MMP25: variants seen among roughly 807,000 people sequenced by gnomAD.
MMP25 encodes matrix metalloproteinase-25.
MMP25 carries 68 observed loss-of-function variants against 62.1 expected under a neutral mutation model. The observed-to-expected ratio is 1.10, with a 90% CI of 0.90 to 1.34. The LOEUF (loss-of-function observed/expected upper bound fraction) is 1.34, where lower values mean the gene tolerates loss of function less well. Among genes scored for constraint, MMP25 ranks in the 40% most tolerant of loss-of-function variants. The pLI, the probability that MMP25 is intolerant of heterozygous loss-of-function variation, is 0.00. For synonymous variants in MMP25, 407 were observed against 345.6 expected, an observed-to-expected ratio of 1.18 and a Z score of -1.97; for missense variants, 942 against 792.5, an observed-to-expected ratio of 1.19 and a Z score of -2.26.
rs751404754 is a variant in MMP25, at chr16:3,050,252, AG to A, written c.370del. ...CCTTACACCTCACTCCCCTCTCCCC[AG>A]GGTACGTTCCTTCCCCCAGAGCTCC... On this transcript the variant is annotated splice_acceptor_variant, in intron 3 of 9. Transcript: ENST00000336577. LOFTEE classifies it high-confidence loss of function. The A allele has an allele frequency of 9.4e-6, 15 of 1,588,862 alleles. No homozygotes were observed. The East Asian group carries it at 2.9e-4, about 31-fold the overall frequency.
In MMP25 at chr16:3,047,548, G is replaced by A; in HGVS notation, c.232+1G>A. On this transcript the variant is annotated splice_donor_variant, in intron 2 of 9. Coordinates refer to ENST00000336577, the MANE Select transcript of MMP25 (RefSeq NM_022468.5). LOFTEE classifies it high-confidence loss of function. Reference sequence around the variant, plus strand: ...GGGCTGCCGGAGACCGGCCGCATGGGTAGGTGGCCCCCACCCCTCCCCAGC... The same window carrying A: ...GGGCTGCCGGAGACCGGCCGCATGGATAGGTGGCCCCCACCCCTCCCCAGC... 2 of 1,612,450 alleles carry A rather than the reference G, an allele frequency of 1.2e-6. No homozygotes were observed. Among genetic ancestry groups the A allele is most frequent in the South Asian group, 2.2e-5 (2 of 91,002 alleles).
chr16:3,050,614 G>GTGTTT, intron 4 of MMP25, 68 bp downstream of exon 4: 1 of 1,444,926 alleles, frequency 6.9e-7, no homozygotes, highest in Non-Finnish European at 9.2e-7. Flanking sequence ...TTTCTGTTGT[G>GTGTTT]TGTTTTGTTT....
Position 3,059,033 on chromosome 16 carries a change from C to A in MMP25, c.1624C>A (p.Arg542Ser). ...CQCELNQAAG[R>S]WPAPIPLLLL... ...GTGCGAGCTCAACCAGGCCGCAGGA[C>A]GTTGGCCTGCTCCCATCCCGCTGCT... The change falls in exon 10 of 10, where the codon CGT (arginine) becomes AGT (serine). Residue 542 changes from arginine (R) to serine (S), a missense_variant. Transcript: ENST00000336577. 6.4e-7 allele frequency: 1 copy of A among 1,553,712 alleles called. No homozygotes were observed. The highest frequency in any genetic ancestry group is 8.7e-7 in the Non-Finnish European group (1 of 1,148,374).
intron 2 of MMP25, among the ~76,000 whole-genome samples, chr16:3,049,404 G>A (rs1955866367): frequency 6.6e-6 from 1 of 152,166 alleles, no homozygotes; most frequent in Non-Finnish European, 1.5e-5. Flanking sequence ...ACAGTGTCTG[G>A]CATCTATATG....
chr16:3,049,721 G>A (rs1161891310), intron 2 of MMP25, among the ~76,000 whole-genome samples: 1 of 152,208 alleles, frequency 6.6e-6, no homozygotes, highest in African/African-American at 2.4e-5. Context: ...CAGGGCCCAG[G>A]GAAGCTGGAT....
intron 4 of MMP25, chr16:3,051,559 C>T (rs936795996): frequency 3.3e-5 from 5 of 152,308 alleles, no homozygotes; most frequent in African/African-American, 9.6e-5. Context: ...GCACGACAGC[C>T]GGGCCAAACT....
chr16:3,054,060 A>G (rs1188900105), intron 4 of MMP25: 1 of 151,570 alleles, frequency 6.6e-6, no homozygotes, highest in African/African-American at 2.4e-5. Flanking sequence ...CAACACCATT[A>G]CAAAGAAGGG....
chr16:3,047,975 G>T (rs1955845400), intron 2 of MMP25, among the ~76,000 whole-genome samples: 2 of 151,962 alleles, frequency 1.3e-5, no homozygotes, highest in South Asian at 4.2e-4. Flanking sequence ...GAGTAGCTGG[G>T]ATTACAGGCA....
chr16:3,049,784 C>T (rs1955872204), intron 2 of MMP25, among the ~76,000 whole-genome samples: 1 of 152,192 alleles, frequency 6.6e-6, no homozygotes, highest in African/African-American at 2.4e-5. Flanking sequence ...CCAGTTTGTC[C>T]CAGGCCAGGT....
chr16:3,051,284 G>A (rs1296794212), intron 4 of MMP25: 1 of 152,066 alleles, frequency 6.6e-6, no homozygotes, highest in South Asian at 2.1e-4. Context: ...TCACGGGATT[G>A]TAGGGGATAG....
Position 3,046,767 on chromosome 16 carries a change from A to T in MMP25, c.-151A>T. On this transcript the variant is annotated 5_prime_UTR_variant, in exon 1 of 10. Transcript: ENST00000336577. ...CCACCGCGCACTTCCCGGGACCCCC[A>T]CACACATCCCAGCCCTCCGGCCGAT... 2.2e-6 allele frequency: 1 copy of T among 459,288 alleles called. No individual in the cohort carries two copies. The highest frequency in any genetic ancestry group is 3.8e-6 in the Non-Finnish European group (1 of 264,142). The allele number at this position is 459,288 out of a possible 1,614,324, so 28.5% of individuals were successfully genotyped here.
At position 3,058,216 on chromosome 16, in the gene MMP25, C is replaced by G. The variant is rs767105329; in HGVS notation, c.1042C>G (p.Leu348Val). The change falls in exon 8 of 10, where the codon CTG (leucine) becomes GTG (valine). Residue 348 changes from leucine to valine, a missense_variant. Physicochemically the swap from Leu to Val is conservative, Grantham distance 32. Coordinates refer to ENST00000336577, the MANE Select transcript of MMP25 (RefSeq NM_022468.5). Reference protein sequence around the residue: ...WFWRLQPSGQLVSPRPARLHR... With the variant: ...WFWRLQPSGQVVSPRPARLHR... ...CTGGCGCCTCCAGCCCTCCGGACAG[C>G]TGGTGTCCCCGCGACCCGCACGGCT... The G allele has an allele frequency of 1.2e-5, 20 of 1,612,676 alleles. No individual in the cohort carries two copies. Among genetic ancestry groups the G allele is most frequent in the Middle Eastern group, 1.6e-4 (1 of 6,072 alleles).
At position 3,050,097 on chromosome 16, in the gene MMP25, G is replaced by A; in HGVS notation, c.321G>A (p.Arg107=). 3 of 1,611,504 alleles carry A rather than the reference G, an allele frequency of 1.9e-6. No homozygotes were observed. Among genetic ancestry groups the A allele is most frequent in the Non-Finnish European group, 2.5e-6 (3 of 1,179,776 alleles). ...CGGGGCTGGTCAGGCGGCGTCGCCG[G>A]TACGCTCTGAGCGGCAGCGTGTGGA... ...GVAGLVRRRR[R]YALSGSVWKK... is the part of the protein sequence containing the mutation. The change falls in exon 3 of 10, where the codon CGG becomes CGA. Residue 107 remains arginine (R), a synonymous_variant. Coordinates refer to ENST00000336577, the MANE Select transcript of MMP25 (RefSeq NM_022468.5).
intron 1 of MMP25, among the ~76,000 whole-genome samples, 199 bp from the exon 2 acceptor site, chr16:3,047,216 G>A (rs1332879462): frequency 6.6e-6 from 1 of 152,246 alleles, no homozygotes; most frequent in Non-Finnish European, 1.5e-5. Flanking sequence ...AAGGAGCTGA[G>A]GTGCGGAGCT....
rs1309092295 is a variant in MMP25 at position 3,059,077 on chromosome 16, G to T, written c.1668G>T (p.Val556=). ...PIPLLLLPLL[V]GGVASR is the part of the protein sequence containing the mutation. ...CGCTGCTCCTCTTGCCCCTGCTGGTGGGGGGTGTAGCCTCCCGCTGATGGG... is the reference window on the plus strand; with the variant it reads ...CGCTGCTCCTCTTGCCCCTGCTGGTTGGGGGTGTAGCCTCCCGCTGATGGG... The change falls in exon 10 of 10, where the codon GTG becomes GTT. Residue 556 remains valine, a synonymous_variant. Coordinates refer to ENST00000336577, the MANE Select transcript of MMP25 (RefSeq NM_022468.5). 2.0e-5 allele frequency: 31 copies of T among 1,546,482 alleles called. No homozygotes were observed. The highest frequency in any genetic ancestry group is 2.5e-5 in the Non-Finnish European group (29 of 1,144,370).
chr16:3,049,799 C>G (rs1955872377), intron 2 of MMP25, among the ~76,000 whole-genome samples: 1 of 152,212 alleles, frequency 6.6e-6, no homozygotes, highest in South Asian at 2.1e-4. Flanking sequence ...CCAGGTGACG[C>G]CACTCCAAAG....
intron 5 of MMP25, 30 bp from the exon 6 acceptor site, chr16:3,057,280 A>T (rs774114279): frequency 6.2e-7 from 1 of 1,613,892 alleles, no homozygotes; most frequent in South Asian, 1.1e-5. Context: ...GGGCCAGGGG[A>T]CGCACACCTG....
Position 3,050,024 on chromosome 16 carries a change from C to G in MMP25, c.248C>G (p.Ala83Gly). 1.2e-6 allele frequency: 2 copies of G among 1,609,934 alleles called. No homozygotes were observed. The highest frequency in any genetic ancestry group is 1.7e-6 in the Non-Finnish European group (2 of 1,179,942). ...ETGRMDPGTV[A>G]TMRKPRCSLP... Reference sequence around the variant, plus strand: ...TCTCCCGCAGACCCAGGGACAGTGGCCACCATGCGTAAGCCCCGCTGCTCC... The same window carrying G: ...TCTCCCGCAGACCCAGGGACAGTGGGCACCATGCGTAAGCCCCGCTGCTCC... Residue 83 changes from alanine (A) to glycine (G), a missense_variant, in exon 3 of 10, where the codon GCC becomes GGC. Coordinates refer to ENST00000336577, the MANE Select transcript of MMP25 (RefSeq NM_022468.5).
rs781135595 is a variant in MMP25 at position 3,050,390 on chromosome 16, G to A, written c.505G>A (p.Asp169Asn). Residue 169 changes from aspartate (D) to asparagine (N), a missense_variant, in exon 4 of 10, where the codon GAC becomes AAC. By Grantham distance (23) the Asp-to-Asn change is conservative. Coordinates refer to ENST00000336577, the MANE Select transcript of MMP25 (RefSeq NM_022468.5). ...GGATTCCCCCCAGGGCCAGGAGCCCGACATCCTCATCGACTTTGCCCGCGC... is the reference window on the plus strand; with the variant it reads ...GGATTCCCCCCAGGGCCAGGAGCCCAACATCCTCATCGACTTTGCCCGCGC... ...EVDSPQGQEP[D>N]ILIDFARAFH... 6 of 1,613,886 alleles carry A rather than the reference G, an allele frequency of 3.7e-6. No individual in the cohort carries two copies. The African/African-American group carries it at 4.0e-5, about 11-fold the overall frequency.
Sources: gnomAD v4.1 joint callset for allele counts (sites outside exome capture counted in the v4.1 genomes callset) on GRCh38, gnomAD v4.1.1 for gene constraint, MANE v1.5 for transcripts, NCBI Gene and HGNC (gene_info 2026-07-23, HGNC 2026-07-21) for gene names.